Variants in TUBGCP4 observed in about 807,000 individuals in gnomAD.
TUBGCP4 encodes gamma-tubulin complex component 4.
Under a neutral mutation model 91.6 loss-of-function variants are expected in TUBGCP4, and 54 were observed. That is an observed-to-expected ratio of 0.59 (90% CI 0.47 to 0.74). The LOEUF (loss-of-function observed/expected upper bound fraction) is 0.74, where lower values mean the gene tolerates loss of function less well. Among genes scored for constraint, TUBGCP4 ranks in the 30% least tolerant of loss-of-function variants. The pLI is 0.00. For missense variants in TUBGCP4, 593 were observed against 800.9 expected, an observed-to-expected ratio of 0.74 and a Z score of 3.13; for synonymous variants, 297 against 302.8, an observed-to-expected ratio of 0.98 and a Z score of 0.20.
intron 9 of TUBGCP4, 47 bp downstream of exon 9, chr15:43,386,377 ATTTTTT>A (rs748820688): frequency 4.2e-4 from 8 of 19,108 alleles, no homozygotes; most frequent in African/African-American, 1.5e-3. Context: ...ATATATATAT[ATTTTTT>A]TTTTTTTTTT....
At chr15:43,390,521 T>TC (rs1333498852) in intron 9 of TUBGCP4, among the ~76,000 whole-genome samples, 2 of 150,476 alleles carry the variant, frequency 1.3e-5, no homozygotes, top group African/African-American at 4.9e-5. Context: ...TTTTCTTTTT[T>TC]TTTTTTTTGA....
chr15:43,385,453 G>A (rs1020720779), intron 7 of TUBGCP4: 7 of 466,174 alleles, frequency 1.5e-5, no homozygotes, highest in East Asian at 6.5e-5. Flanking sequence ...CACCAGCAGA[G>A]AAGACATAGA....
At chr15:43,395,227 C>A (rs1171832903) in intron 10 of TUBGCP4, 70 bp downstream of exon 10, 1 of 1,559,514 alleles carries the variant, frequency 6.4e-7, no homozygotes, top group South Asian at 1.1e-5. Context: ...CTGATGTTTC[C>A]TGAGAGCACT....
chr15:43,401,850 T>C lies in TUBGCP4; in HGVS notation c.1731T>C (p.Pro577=). Residue 577 remains proline (P), a splice_region_variant and synonymous_variant, in exon 15 of 18, where the codon CCT becomes CCC. Transcript: ENST00000564079. Reference sequence around the variant, plus strand: ...CTCAATCCTTTATCCTATTGAAACCTGTAAGTAAGGCTCATTGGTTTCCTC... The same window carrying C: ...CTCAATCCTTTATCCTATTGAAACCCGTAAGTAAGGCTCATTGGTTTCCTC... ...LLAQSFILLK[P]VFHCLNEILD... 1.2e-6 allele frequency: 2 copies of C among 1,614,054 alleles called. No individual in the cohort carries two copies.
At position 43,408,916 on chromosome 15, in the gene TUBGCP4, C is replaced by T. The variant is rs760287636; in HGVS notation, c.*3702C>T. The T allele has an allele frequency of 1.2e-6, 2 of 1,614,044 alleles. No homozygotes were observed. Among genetic ancestry groups the T allele is most frequent in the East Asian group, 2.2e-5 (1 of 44,896 alleles). ...ACTTACCAGTCCAGAATTCTTTGCT[C>T]CTCAAGGCTGTACCCAGCTGGCAAC... is the stretch of plus-strand genomic sequence containing the variant. On this transcript the variant is annotated 3_prime_UTR_variant, in exon 18 of 18. Coordinates refer to ENST00000564079, the MANE Select transcript of TUBGCP4 (RefSeq NM_014444.5).
intron 9 of TUBGCP4, among the ~76,000 whole-genome samples, chr15:43,388,155 C>G (rs1253576833): frequency 6.6e-6 from 1 of 152,142 alleles, no homozygotes; most frequent in Non-Finnish European, 1.5e-5. Context: ...CCGGCAGGTA[C>G]TTCTATTTAA....
intron 1 of TUBGCP4, among the ~76,000 whole-genome samples, chr15:43,374,679 A>G (rs1252101200): frequency 6.6e-6 from 1 of 152,344 alleles, no homozygotes; most frequent in East Asian, 1.9e-4. Flanking sequence ...ATATCCCAAA[A>G]GAAGTGAAAG....
chr15:43,392,995 C>T (rs938852093), intron 9 of TUBGCP4, among the ~76,000 whole-genome samples: 2 of 152,158 alleles, frequency 1.3e-5, no homozygotes, highest in Non-Finnish European at 2.9e-5. Flanking sequence ...CTAGGTTAGT[C>T]TGCACTTTCT....
At chr15:43,371,613 C>T (rs1251393991) in intron 1 of TUBGCP4, among the ~76,000 whole-genome samples, 181 bp downstream of exon 1, 1 of 152,046 alleles carries the variant, frequency 6.6e-6, no homozygotes, top group African/African-American at 2.4e-5. Flanking sequence ...CTAGAGAGGC[C>T]GGGCCTAGGC....
At chr15:43,402,741 C>T (rs1266249547) in intron 15 of TUBGCP4, 1 of 152,110 alleles carries the variant, frequency 6.6e-6, no homozygotes, top group East Asian at 1.9e-4. Context: ...TTTTTTAAAG[C>T]TCACAAGCTA....
intron 1 of TUBGCP4, 30 bp from the exon 2 acceptor site, chr15:43,376,068 G>C: frequency 6.2e-7 from 1 of 1,607,228 alleles, no homozygotes; most frequent in Non-Finnish European, 8.5e-7. Context: ...GCGACTGGCG[G>C]TGTTTTCGGC....
chr15:43,386,294 A>G lies in TUBGCP4; in HGVS notation c.978A>G (p.Glu326=), dbSNP rs367585568. Residue 326 remains glutamate (E), a synonymous_variant, in exon 9 of 18, where the codon GAA becomes GAG. Transcript: ENST00000564079. The part of the protein sequence containing the change: ...QQPLFSLVDF[E]QVVDRIRSTV... The stretch of plus-strand genomic sequence containing the variant: ...CACTCTTCAGCTTGGTGGACTTTGA[A>G]CAGGTGGTGGATCGCATTCGCAGCA... 8.3e-6 allele frequency: 13 copies of G among 1,574,686 alleles called. No homozygotes were observed. The highest frequency in any genetic ancestry group is 1.0e-5 in the Non-Finnish European group (12 of 1,162,856).
At chr15:43,403,896 T>C (rs1283538341) in intron 16 of TUBGCP4, 97 bp downstream of exon 16, 2 of 828,730 alleles carry the variant, frequency 2.4e-6, no homozygotes, top group African/African-American at 3.3e-5. Flanking sequence ...GTAAAGCATT[T>C]CCTCAATACA....
In TUBGCP4 at chr15:43,409,073, A is replaced by G. The variant is rs1393072123; in HGVS notation, c.*3859A>G. ...TTCGACAATGCTGATCCGCAATTAG[A>G]AGACACTGGTAAGCTGTGTTACACT... On this transcript the variant is annotated 3_prime_UTR_variant, in exon 18 of 18. Transcript: ENST00000564079. 6.2e-7 allele frequency: 1 copy of G among 1,614,204 alleles called. No individual in the cohort carries two copies. Among genetic ancestry groups the G allele is most frequent in the African/African-American group, 1.3e-5 (1 of 75,056 alleles).
Position 43,386,209 on chromosome 15 carries a change from C to T in TUBGCP4, c.893C>T (p.Ser298Phe), listed in dbSNP as rs1175234656. 1 of 1,605,670 alleles carries T rather than the reference C, an allele frequency of 6.2e-7. No homozygotes were observed. The highest frequency in any genetic ancestry group is 8.5e-7 in the Non-Finnish European group (1 of 1,177,270). The change falls in exon 9 of 18, where the codon TCC (serine) becomes TTC (phenylalanine). Residue 298 changes from serine to phenylalanine, a missense_variant. Transcript: ENST00000564079. The part of the protein sequence containing the change: ...NQNVNLTRKG[S>F]ILKNQEDTFA... ...ACGGTGTCTTCCTATTTTGCAGGATCCATTTTGAAAAACCAGGAAGACACT... is the reference window on the plus strand; with the variant it reads ...ACGGTGTCTTCCTATTTTGCAGGATTCATTTTGAAAAACCAGGAAGACACT...
intron 5 of TUBGCP4, 94 bp downstream of exon 5, chr15:43,377,997 T>C: frequency 1.1e-6 from 1 of 921,608 alleles, no homozygotes; most frequent in Admixed American, 2.8e-5. Flanking sequence ...GACCCTAGTT[T>C]TTAGTAGTTT....
At chr15:43,386,725 C>CAA (rs10718458) in intron 9 of TUBGCP4, among the ~76,000 whole-genome samples, 45 of 66,902 alleles carry the variant, frequency 6.7e-4, no homozygotes, top group South Asian at 1.2e-3. Flanking sequence ...ACTCTGTCTC[C>CAA]AAAAAAAAAA....
At chr15:43,379,261 C>T (rs2142780204) in intron 5 of TUBGCP4, among the ~76,000 whole-genome samples, 1 of 152,160 alleles carries the variant, frequency 6.6e-6, no homozygotes, top group South Asian at 2.1e-4. Context: ...AATGGTTGCC[C>T]AGTGTTTGAA....
At position 43,383,390 on chromosome 15, in the gene TUBGCP4, C is replaced by T; in HGVS notation, c.609C>T (p.Phe203=). ...HGLLLDQHEE[F]FIKQGPSSGN... is the part of the protein sequence containing the mutation. ...TCCTCTTGGACCAGCATGAAGAATT[C>T]TTTATCAAACAGGGGCCATCTTCTG... is the stretch of plus-strand genomic sequence containing the variant. The change falls in exon 7 of 18, where the codon TTC becomes TTT. Residue 203 remains phenylalanine (F), a synonymous_variant. Coordinates refer to ENST00000564079, the MANE Select transcript of TUBGCP4 (RefSeq NM_014444.5). The T allele has an allele frequency of 4.3e-6, 7 of 1,614,146 alleles. No homozygotes were observed. Among genetic ancestry groups the T allele is most frequent in the Non-Finnish European group, 5.9e-6 (7 of 1,180,032 alleles).
Sources: allele counts gnomAD v4.1 joint callset (sites outside exome capture counted in the v4.1 genomes callset), GRCh38; gene constraint gnomAD v4.1.1; transcripts MANE v1.5; gene names NCBI Gene and HGNC (gene_info 2026-07-23, HGNC 2026-07-21).